LINGO2: variants seen among roughly 807,000 people sequenced by gnomAD.
LINGO2 encodes leucine-rich repeat and immunoglobulin-like domain-containing nogo receptor-interacting protein 2.
A neutral mutation model predicts 30.6 loss-of-function variants in LINGO2; 14 were observed. The ratio of observed to expected loss-of-function variants is 0.46; its 90% CI spans 0.30 to 0.72. LINGO2 has a LOEUF of 0.72. Ranked by LOEUF, LINGO2 falls within the 30% of genes least tolerant of loss-of-function variation. LINGO2 has a pLI of 0.07. For synonymous variants in LINGO2, 317 were observed against 288.5 expected, an observed-to-expected ratio of 1.10 and a Z score of -1.00; for missense variants, 729 against 751.7, an observed-to-expected ratio of 0.97 and a Z score of 0.35.
At chr9:28,424,560 T>C (rs1474288825) in intron 2 of LINGO2, among the ~76,000 whole-genome samples, 2 of 152,156 alleles carry the variant, frequency 1.3e-5, no homozygotes, top group African/African-American at 4.8e-5. Flanking sequence ...AATCATGAAC[T>C]AAATGAATGG....
At chr9:28,182,718 C>T (rs1293339287) in intron 4 of LINGO2, among the ~76,000 whole-genome samples, 2 of 152,180 alleles carry the variant, frequency 1.3e-5, no homozygotes, top group Non-Finnish European at 2.9e-5. Context: ...CTCAACATTG[C>T]TGGTCATTAG....
At chr9:28,921,694 C>T in the LINGO2 span, among the ~76,000 whole-genome samples, 7 of 152,214 alleles carry the variant, frequency 4.6e-5, no homozygotes, top group Non-Finnish European at 1.0e-4. Context: ...TAAACCAGCA[C>T]GTCAGTAACT....
the LINGO2 span, among the ~76,000 whole-genome samples, chr9:28,733,633 T>C: frequency 2.0e-5 from 3 of 152,160 alleles, no homozygotes; most frequent in Non-Finnish European, 2.9e-5. Flanking sequence ...ATTGTGAGTG[T>C]CACTAGGGTT....
intron 4 of LINGO2, among the ~76,000 whole-genome samples, chr9:28,187,009 T>A (rs923458845): frequency 3.5e-4 from 54 of 152,242 alleles, no homozygotes; most frequent in African/African-American, 1.3e-3. Context: ...CACCTCTGAC[T>A]ACAGTAGTGG....
chr9:28,038,667 T>C (rs1362627348), intron 4 of LINGO2, among the ~76,000 whole-genome samples: 1 of 141,802 alleles, frequency 7.1e-6, no homozygotes, highest in Non-Finnish European at 1.5e-5. Flanking sequence ...CAGTCCAGCC[T>C]GGGCGACAGA....
chr9:29,138,243 T>A, the LINGO2 span, among the ~76,000 whole-genome samples: 8 of 152,130 alleles, frequency 5.3e-5, no homozygotes, highest in Admixed American at 5.2e-4. Context: ...GTCAATATGA[T>A]AAATCTGCCT....
the LINGO2 span, among the ~76,000 whole-genome samples, chr9:28,720,988 A>G: frequency 6.6e-6 from 1 of 152,036 alleles, no homozygotes; most frequent in Admixed American, 6.6e-5. Flanking sequence ...TGCTCACAAG[A>G]TAGACTATTT....
chr9:28,321,835 T>C (rs1825054318), intron 3 of LINGO2, among the ~76,000 whole-genome samples: 1 of 152,042 alleles, frequency 6.6e-6, no homozygotes, highest in Non-Finnish European at 1.5e-5. Flanking sequence ...AATGAAGAGA[T>C]AGTTTCCCAA....
chr9:28,315,828 A>G (rs1258302869), intron 3 of LINGO2, among the ~76,000 whole-genome samples: 1 of 152,240 alleles, frequency 6.6e-6, no homozygotes. Flanking sequence ...AAAAACTATG[A>G]ATATGACATT....
the LINGO2 span, among the ~76,000 whole-genome samples, chr9:29,133,900 T>A: frequency 6.6e-6 from 1 of 152,108 alleles, no homozygotes; most frequent in Non-Finnish European, 1.5e-5. Context: ...TAATGTCCCA[T>A]CTGCTAAATG....
intron 4 of LINGO2, among the ~76,000 whole-genome samples, chr9:28,089,002 C>G (rs1457859364): frequency 1.3e-5 from 2 of 152,294 alleles, no homozygotes; most frequent in Admixed American, 6.5e-5. Flanking sequence ...ATCAATTCAA[C>G]AAGAAGAGCT....
At chr9:28,904,168 G>GAC in the LINGO2 span, among the ~76,000 whole-genome samples, 5 of 56,248 alleles carry the variant, frequency 8.9e-5, no homozygotes, top group Non-Finnish European at 2.3e-4. Context: ...ATCCTTTTAT[G>GAC]ATAAAAAAAA....
the LINGO2 span, among the ~76,000 whole-genome samples, chr9:28,811,386 A>C: frequency 6.6e-6 from 1 of 152,172 alleles, no homozygotes; most frequent in African/African-American, 2.4e-5. Context: ...ATCCATCTCT[A>C]TGTGGTAATT....
the LINGO2 span, among the ~76,000 whole-genome samples, chr9:29,068,671 G>T: frequency 6.6e-6 from 1 of 151,816 alleles, no homozygotes; most frequent in African/African-American, 2.4e-5. Context: ...AGCTATGAAA[G>T]ATCGCTTAGT....
At chr9:28,752,636 G>A in the LINGO2 span, among the ~76,000 whole-genome samples, 1 of 151,980 alleles carries the variant, frequency 6.6e-6, no homozygotes, top group South Asian at 2.1e-4. Flanking sequence ...TATTTCAATA[G>A]TCTTTTCTCC....
intron 4 of LINGO2, among the ~76,000 whole-genome samples, chr9:28,017,271 G>C (rs1352828548): frequency 6.6e-6 from 1 of 152,080 alleles, no homozygotes; most frequent in African/African-American, 2.4e-5. Flanking sequence ...TTCTCCTTGA[G>C]AACTAGAATA....
intron 4 of LINGO2, among the ~76,000 whole-genome samples, chr9:28,057,969 T>A (rs1294732932): frequency 1.3e-5 from 2 of 152,138 alleles, no homozygotes; most frequent in Admixed American, 6.6e-5. Flanking sequence ...TTTTCTTTTA[T>A]ATACTATTCT....
chr9:28,350,442 A>G (rs890348020), intron 3 of LINGO2, among the ~76,000 whole-genome samples: 3 of 149,926 alleles, frequency 2.0e-5, no homozygotes, highest in Non-Finnish European at 4.5e-5. Flanking sequence ...TTCAACAAGA[A>G]GAGCTAACTA....
At chr9:28,168,733 T>G (rs769625239) in intron 4 of LINGO2, among the ~76,000 whole-genome samples, 1 of 152,246 alleles carries the variant, frequency 6.6e-6, no homozygotes, top group Non-Finnish European at 1.5e-5. Context: ...GCCTACAGAT[T>G]TGTGGAACCT....
Sources: gnomAD v4.1 joint callset for allele counts (sites outside exome capture counted in the v4.1 genomes callset) on GRCh38, gnomAD v4.1.1 for gene constraint, MANE v1.5 for transcripts, NCBI Gene and HGNC (gene_info 2026-07-23, HGNC 2026-07-21) for gene names.